Variants in SNX1 observed in about 807,000 individuals in gnomAD.
SNX1 encodes sorting nexin-1.
SNX1 carries 36 observed loss-of-function variants against 71.8 expected under a neutral mutation model. The ratio of observed to expected loss-of-function variants is 0.50; its 90% confidence interval spans 0.38 to 0.66. The LOEUF is 0.66. Ranked by LOEUF, SNX1 falls within the 30% of genes least tolerant of loss-of-function variation. SNX1 has a pLI of 0.00. For missense variants in SNX1, 612 were observed against 646.7 expected (o/e 0.95, Z 0.58); for synonymous variants, 254 against 240.7 (o/e 1.06, Z -0.51).
At chr15:64,119,737 A>ACACAC (rs1555491446) in intron 4 of SNX1, among the ~76,000 whole-genome samples, 14 of 141,100 alleles carry the variant, frequency 9.9e-5, no homozygotes, top group African/African-American at 3.5e-4. Context: ...AAAAAAAAAA[A>ACACAC]ACACACACAC....
At chr15:64,102,927 C>T (rs927515848) in intron 1 of SNX1, among the ~76,000 whole-genome samples, 1 of 151,770 alleles carries the variant, frequency 6.6e-6, no homozygotes, top group African/African-American at 2.4e-5. Flanking sequence ...CCACCATGCC[C>T]AGCTAATTTT....
At chr15:64,115,563 C>CTT (rs5813279) in intron 2 of SNX1, 300 of 324,968 alleles carry the variant, frequency 9.2e-4, no homozygotes, top group South Asian at 2.0e-3. Flanking sequence ...CTTCAAAAGG[C>CTT]TTTTTTTTTT....
chr15:64,110,991 T>C (rs2081072696), intron 1 of SNX1, among the ~76,000 whole-genome samples: 1 of 152,226 alleles, frequency 6.6e-6, no homozygotes, highest in African/African-American at 2.4e-5. Flanking sequence ...ATCTCCCCCG[T>C]GAGCTACTAG....
intron 5 of SNX1, 45 bp from the exon 6 acceptor site, chr15:64,126,034 C>T (rs2081248475): frequency 6.2e-7 from 1 of 1,604,314 alleles, no homozygotes; most frequent in South Asian, 1.1e-5. Flanking sequence ...AGATACCATC[C>T]CCTATTTGGA....
chr15:64,115,627 G>A (rs1488517533), intron 2 of SNX1: 1 of 365,574 alleles, frequency 2.7e-6, no homozygotes, highest in Non-Finnish European at 5.3e-6. Flanking sequence ...GCAGTGGTGT[G>A]GTCATGGCTC....
intron 3 of SNX1, 83 bp from the exon 4 acceptor site, chr15:64,118,705 G>A (rs1355481008): frequency 2.0e-6 from 2 of 979,786 alleles, no homozygotes; most frequent in Non-Finnish European, 3.2e-6. Flanking sequence ...GATTTTATTA[G>A]ATTGGTATAA....
chr15:64,113,000 C>T (rs1266505609), intron 2 of SNX1, among the ~76,000 whole-genome samples: 1 of 152,114 alleles, frequency 6.6e-6, no homozygotes, highest in Non-Finnish European at 1.5e-5. Flanking sequence ...GTGACTAAAG[C>T]AGTGCGTGTA....
At chr15:64,105,799 C>G (rs538695575) in intron 1 of SNX1, among the ~76,000 whole-genome samples, 2 of 152,274 alleles carry the variant, frequency 1.3e-5, no homozygotes, top group Admixed American at 1.3e-4. Context: ...TTTTCCTTAA[C>G]TAGCTCAGTG....
chr15:64,112,098 C>T (rs973089610), intron 1 of SNX1, among the ~76,000 whole-genome samples: 3 of 152,176 alleles, frequency 2.0e-5, no homozygotes, highest in Admixed American at 1.3e-4. Flanking sequence ...CCTTCCTTTG[C>T]GTGTCAGATG....
Position 64,138,270 on chromosome 15 carries a change from G to T in SNX1, c.*652G>T. The T allele has an allele frequency of 7.3e-7, 1 of 1,368,692 alleles. No individual in the cohort carries two copies. The highest frequency in any genetic ancestry group is 9.6e-7 in the Non-Finnish European group (1 of 1,045,446). 84.8% of individuals were successfully genotyped at this position (1,368,692 alleles called of 1,614,324 possible). A position where few individuals can be genotyped will look rare whatever the true frequency, so the allele number is the denominator to read the frequency against. On this transcript the variant is annotated 3_prime_UTR_variant, in exon 15 of 15. Coordinates refer to ENST00000559844, the MANE Select transcript of SNX1 (RefSeq NM_003099.5). ...AAAAACATCTCTTAAAATAAGAGGA[G>T]CAAAATCTATTAAAACCTATTCTCC...
chr15:64,115,462 G>C, intron 2 of SNX1: 1 of 314,514 alleles, frequency 3.2e-6, no homozygotes, highest in Non-Finnish European at 6.2e-6. Context: ...TGCTTTTCCA[G>C]TACTCTTAAC....
chr15:64,135,727 C>T (rs1250325296), intron 12 of SNX1, among the ~76,000 whole-genome samples: 2 of 143,582 alleles, frequency 1.4e-5, no homozygotes, highest in African/African-American at 5.0e-5. Context: ...CCACTGCACT[C>T]CAGCCTGGCA....
At chr15:64,099,893 G>A (rs558116368) in intron 1 of SNX1, among the ~76,000 whole-genome samples, 6 of 152,244 alleles carry the variant, frequency 3.9e-5, no homozygotes, top group Non-Finnish European at 7.4e-5. Flanking sequence ...TGTATTTTTA[G>A]TAGAGATGGG....
Position 64,140,578 on chromosome 15 carries a change from AT to A in SNX1, c.*2963del, listed in dbSNP as rs2081402715. The A allele has an allele frequency of 6.6e-6, 1 of 151,846 alleles. No homozygotes were observed. The highest frequency in any genetic ancestry group is 2.1e-4 in the South Asian group (1 of 4,816). The allele number at this position is 151,846 out of a possible 1,614,324, so 9.4% of individuals were successfully genotyped here. A position where few individuals can be genotyped will look rare whatever the true frequency, so the allele number is the denominator to read the frequency against. ...AATGGTATTTATTTATTTTTATTTGATTTGATTATTATTACTATTTTTGAGA... is the reference window on the plus strand; with the variant it reads ...AATGGTATTTATTTATTTTTATTTGATTGATTATTATTACTATTTTTGAGA... On this transcript the variant is annotated 3_prime_UTR_variant, in exon 15 of 15. Transcript: ENST00000559844.
At chr15:64,123,805 T>A (rs1213658997) in intron 5 of SNX1, among the ~76,000 whole-genome samples, 2 of 152,142 alleles carry the variant, frequency 1.3e-5, no homozygotes, top group Non-Finnish European at 2.9e-5. Context: ...GCCCCATCCC[T>A]CTTAGAGAAC....
At chr15:64,116,268 TTGAG>T (rs1161025319) in intron 2 of SNX1, among the ~76,000 whole-genome samples, 1 of 152,176 alleles carries the variant, frequency 6.6e-6, no homozygotes, top group African/African-American at 2.4e-5. Context: ...CATCCTCACA[TTGAG>T]TAAGTAGGCT....
At chr15:64,121,407 T>C (rs1039053584) in intron 4 of SNX1, among the ~76,000 whole-genome samples, 5 of 152,198 alleles carry the variant, frequency 3.3e-5, no homozygotes, top group African/African-American at 1.2e-4. Context: ...TGTCGATGCA[T>C]CACTTCAGTC....
At chr15:64,101,662 A>G (rs1365132428) in intron 1 of SNX1, among the ~76,000 whole-genome samples, 1 of 152,100 alleles carries the variant, frequency 6.6e-6, no homozygotes, top group East Asian at 1.9e-4. Flanking sequence ...TCTATTTTCA[A>G]TTGTTTGAAG....
At chr15:64,123,373 C>T in intron 4 of SNX1, 130 bp from the exon 5 acceptor site, 1 of 770,226 alleles carries the variant, frequency 1.3e-6, no homozygotes, top group Non-Finnish European at 2.2e-6. Context: ...GCATATAAAG[C>T]TTGGAGATGA....
Sources: allele counts gnomAD v4.1 joint callset (sites outside exome capture counted in the v4.1 genomes callset), GRCh38; gene constraint gnomAD v4.1.1; transcripts MANE v1.5; gene names NCBI Gene and HGNC (gene_info 2026-07-23, HGNC 2026-07-21).